PTPRF: variants seen among roughly 807,000 people sequenced by gnomAD.
PTPRF encodes the protein receptor-type tyrosine-protein phosphatase F.
Under a neutral mutation model 201.8 loss-of-function variants are expected in PTPRF, and 59 were observed. The observed-to-expected ratio is 0.29, with a 90% CI of 0.24 to 0.36. PTPRF has a LOEUF of 0.36. Among genes scored for constraint, PTPRF ranks in the 10% least tolerant of loss-of-function variants. The pLI, the probability that PTPRF is intolerant of heterozygous loss-of-function variation, is 1.00. For synonymous variants in PTPRF, 1,088 were observed against 1,089.7 expected, an observed-to-expected ratio of 1.00 and a Z score of 0.03; for missense variants, 2,132 against 2,690.5, an observed-to-expected ratio of 0.79 and a Z score of 4.59.
chr1:43,585,668 G>C lies in PTPRF; in HGVS notation c.680-3063G>C, dbSNP rs769435337. ...GCAGGAGTTGGAGGCTTTAGAAGAC[G>C]TGGCTCAGGGCGTTGGCCTGACCTC... On this transcript the variant is annotated intron_variant, in intron 7 of 33. Coordinates refer to ENST00000359947, the MANE Select transcript of PTPRF (RefSeq NM_002840.5). Among the ~76,000 whole-genome samples, 4 of 152,300 alleles carry C rather than the reference G, an allele frequency of 2.6e-5. No homozygotes were observed. The East Asian group carries it at 7.7e-4, about 29-fold the overall frequency.
intron 1 of PTPRF, among the ~76,000 whole-genome samples, chr1:43,535,913 T>C (rs1206098246): frequency 6.6e-6 from 1 of 152,174 alleles, no homozygotes; most frequent in Non-Finnish European, 1.5e-5. Context: ...TAACTGAGAC[T>C]ACAGGTGTAG....
At chr1:43,590,821 A>C in intron 8 of PTPRF, 151 bp from the exon 9 acceptor site, 1 of 773,756 alleles carries the variant, frequency 1.3e-6, no homozygotes, top group Non-Finnish European at 2.1e-6. Context: ...AGAGGTCACC[A>C]TAAGCTTTTC....
chr1:43,533,400 ATAC>A (rs150354196), intron 1 of PTPRF, among the ~76,000 whole-genome samples: 4,722 of 152,212 alleles, frequency 0.031, 249 homozygotes, highest in African/African-American at 0.11. Flanking sequence ...ACGCAGCAAA[ATAC>A]TAGCCCTGGC....
intron 7 of PTPRF, 27 bp downstream of exon 7, chr1:43,578,947 C>T (rs774029744): frequency 1.2e-6 from 2 of 1,604,132 alleles, no homozygotes; most frequent in African/African-American, 2.7e-5. Context: ...TGCCTGGCCC[C>T]TGTCACCACA....
chr1:43,555,376 AAAAC>A lies in PTPRF; in HGVS notation c.379+1443_379+1446del, dbSNP rs574512249. 1.4e-4 allele frequency among the ~76,000 whole-genome samples: 22 copies of A among 152,176 alleles called. No individual in the cohort carries two copies. The East Asian group carries it at 2.7e-3, about 19-fold the overall frequency. On this transcript the variant is annotated intron_variant, in intron 5 of 33. Coordinates refer to ENST00000359947, the MANE Select transcript of PTPRF (RefSeq NM_002840.5). ...GTCCGATGATTTGTAGACTGCTTTAAAAACAAACAAAAAAAAATATGGCTAACAT... is the reference window on the plus strand; with the variant it reads ...GTCCGATGATTTGTAGACTGCTTTAAAAACAAAAAAAAATATGGCTAACAT...
At position 43,619,664 on chromosome 1, in the gene PTPRF, C is replaced by A. The variant is rs749312186; in HGVS notation, c.4933-16C>A. ...CCACAGGAAGCCTGGCCTGACCAAT[C>A]CCTGCCTCTCAATAGTTGCTGGCCA... On this transcript the variant is annotated splice_polypyrimidine_tract_variant and intron_variant, in intron 28 of 33. Transcript: ENST00000359947. 49 of 1,613,488 alleles carry A rather than the reference C, an allele frequency of 3.0e-5. No homozygotes were observed. Among genetic ancestry groups the A allele is most frequent in the Non-Finnish European group, 4.2e-5 (49 of 1,179,654 alleles).
intron 22 of PTPRF, among the ~76,000 whole-genome samples, chr1:43,610,616 A>G (rs1434904567): frequency 6.6e-6 from 1 of 152,254 alleles, no homozygotes; most frequent in Non-Finnish European, 1.5e-5. Context: ...GTGGTGGCTC[A>G]TGCCTGTGAT....
chr1:43,575,236 G>A (rs903323656), intron 6 of PTPRF, among the ~76,000 whole-genome samples: 1 of 152,224 alleles, frequency 6.6e-6, no homozygotes, highest in Admixed American at 6.5e-5. Context: ...TCAGGGTTAT[G>A]AGGTGCTAGA....
intron 28 of PTPRF, 31 bp downstream of exon 28, chr1:43,619,604 G>C (rs1371487295): frequency 1.2e-6 from 2 of 1,610,134 alleles, no homozygotes; most frequent in African/African-American, 2.7e-5. Flanking sequence ...CTTGGCTCCA[G>C]GGCCTAGACT....
At chr1:43,567,336 C>T (rs180693857) in intron 5 of PTPRF, among the ~76,000 whole-genome samples, 4 of 152,302 alleles carry the variant, frequency 2.6e-5, no homozygotes, top group African/African-American at 7.2e-5. Context: ...TCTTCATTTC[C>T]GTCCTCCTTC....
intron 1 of PTPRF, chr1:43,532,726 G>GT (rs11350891): frequency 6.5e-6 from 1 of 154,536 alleles, no homozygotes; most frequent in African/African-American, 2.4e-5. Context: ...GAAAATCCCT[G>GT]TTTTTTTACT....
intron 6 of PTPRF, among the ~76,000 whole-genome samples, chr1:43,576,380 C>G (rs1646931954): frequency 6.6e-6 from 1 of 152,208 alleles, no homozygotes; most frequent in African/African-American, 2.4e-5. Flanking sequence ...TATCCCGGCT[C>G]TGTACCGTGG....
chr1:43,589,059 T>C, intron 8 of PTPRF, 59 bp downstream of exon 8: 1 of 1,461,998 alleles, frequency 6.8e-7, no homozygotes, highest in Admixed American at 2.6e-5. Flanking sequence ...GTCCTGGTGG[T>C]GGGCGAATGT....
chr1:43,618,782 C>T, intron 26 of PTPRF, 33 bp downstream of exon 26: 2 of 1,584,640 alleles, frequency 1.3e-6, no homozygotes, highest in Admixed American at 1.7e-5. Context: ...ATCTCTTACC[C>T]AGACACTGTA....
At chr1:43,573,974 G>GTTTTT (rs1646745628) in intron 6 of PTPRF, among the ~76,000 whole-genome samples, 1 of 96,330 alleles carries the variant, frequency 1.0e-5, no homozygotes, top group Non-Finnish European at 2.1e-5. Flanking sequence ...GCTTGTGTGG[G>GTTTTT]TTCTTTTTTT....
intron 3 of PTPRF, among the ~76,000 whole-genome samples, chr1:43,552,115 GAAA>G: frequency 6.6e-6 from 1 of 150,916 alleles, no homozygotes; most frequent in African/African-American, 2.4e-5. Flanking sequence ...AAGAAAAAAA[GAAA>G]AAAAAAATTC....
At chr1:43,547,033 A>G (rs1445433521) in intron 3 of PTPRF, among the ~76,000 whole-genome samples, 1 of 152,154 alleles carries the variant, frequency 6.6e-6, no homozygotes, top group Non-Finnish European at 1.5e-5. Flanking sequence ...CCAAAGGTAG[A>G]GTCGTGTCAC....
intron 22 of PTPRF, chr1:43,612,700 A>C: frequency 7.7e-7 from 1 of 1,296,538 alleles, no homozygotes; most frequent in Non-Finnish European, 1.0e-6. Context: ...TAAGCAGAAA[A>C]AGTTAACGGG....
rs757114527 is a variant in PTPRF, at chr1:43,597,897, G to A, written c.1963G>A (p.Gly655Arg). 37 of 1,605,652 alleles carry A rather than the reference G, an allele frequency of 2.3e-5. No homozygotes were observed. The highest frequency in any genetic ancestry group is 2.2e-4 in the Admixed American group (13 of 58,962). ...CGAGGCGGTGGACGGCGAGGACCGC[G>A]GGCGGCATGTGGTGGATGGCATCAG... is the stretch of plus-strand genomic sequence containing the variant. ...AYEAVDGEDR[G>R]RHVVDGISRE... The change falls in exon 12 of 34, where the codon GGG (glycine) becomes AGG (arginine). Residue 655 changes from glycine to arginine, a missense_variant. This residue lies in a region of PTPRF where 125 missense variants were observed against 211.9 expected (regional missense o/e 0.59). Transcript: ENST00000359947.
Sources: gnomAD v4.1 joint callset for allele counts (sites outside exome capture counted in the v4.1 genomes callset) on GRCh38, gnomAD v4.1.1 for gene constraint, gnomAD v4.1.1 regional missense constraint, MANE v1.5 for transcripts, NCBI Gene and HGNC (gene_info 2026-07-23, HGNC 2026-07-21) for gene names.